Variants in EPHA5 observed in about 807,000 individuals in gnomAD.
EPHA5 encodes the protein EPH receptor A5.
EPHA5 carries 60 observed loss-of-function variants against 105.0 expected under a neutral mutation model. That is an observed-to-expected ratio of 0.57 (90% CI 0.46 to 0.71). EPHA5 has a LOEUF of 0.71. EPHA5 is among the 30% of genes least tolerant of loss of function. The pLI is 0.00. For missense variants in EPHA5, 1,218 were observed against 1,274.7 expected (o/e 0.96, Z 0.68); for synonymous variants, 513 against 449.1 (o/e 1.14, Z -1.80).
chr4:65,332,031 CTG>C lies in EPHA5; in HGVS notation c.2885_2886del (p.Thr962ArgfsTer65). Reference protein sequence around the residue: ...WLEAIKMGRYTEIFMENGYSS... With the variant: ...WLEAIKMGRYXEIFMENGYSS... ...CTGTATCCATTTTCCATGAAAATCT[CTG>C]TATACCGGCCCATCTTGATTGCCTC... On this transcript the variant is annotated frameshift_variant, in exon 16 of 17. Coordinates refer to ENST00000613740, the MANE Select transcript of EPHA5 (RefSeq NM_001281766.3). LOFTEE classifies it high-confidence loss of function. 6.2e-7 allele frequency: 1 copy of C among 1,611,946 alleles called. No homozygotes were observed. The highest frequency in any genetic ancestry group is 8.5e-7 in the Non-Finnish European group (1 of 1,178,672).
intron 3 of EPHA5, among the ~76,000 whole-genome samples, chr4:65,509,552 G>A (rs1733395847): frequency 6.6e-6 from 1 of 152,148 alleles, no homozygotes; most frequent in Non-Finnish European, 1.5e-5. Context: ...TTTGTAAGAT[G>A]AGAACTTAAA....
rs1560567523 is a variant in EPHA5 at position 65,465,531 on chromosome 4, A to AAAG, written c.1402+24845_1402+24846insCTT. On this transcript the variant is annotated intron_variant, in intron 5 of 16. Transcript: ENST00000613740. Reference sequence around the variant, plus strand: ...AGAAAGAAAGAAAGAAAGAAAGAAAAGAAAGGAAAGGAAGGAAAGGAAGGA... The same window carrying AAAG: ...AGAAAGAAAGAAAGAAAGAAAGAAAAAAGGAAAGGAAAGGAAGGAAAGGAAGGA... 1.4e-4 allele frequency among the ~76,000 whole-genome samples: 11 copies of AAAG among 78,310 alleles called. No homozygotes were observed. In the South Asian group the frequency reaches 2.5e-3, roughly 17 times the overall value. The allele number at this position is 78,310 out of a possible 152,430, so 51.4% of individuals were successfully genotyped here. A position where few individuals can be genotyped will look rare whatever the true frequency, so the allele number is the denominator to read the frequency against.
chr4:65,585,626 AAAAACAAAACAAAAT>A (rs1742048265), intron 3 of EPHA5, among the ~76,000 whole-genome samples: 2 of 151,880 alleles, frequency 1.3e-5, no homozygotes, highest in Admixed American at 6.6e-5. Context: ...CTTATTTGGG[AAAAACAAAACAAAAT>A]AAAAGAAAAC....
intron 3 of EPHA5, among the ~76,000 whole-genome samples, chr4:65,532,817 T>C (rs1294745299): frequency 6.6e-6 from 1 of 152,106 alleles, no homozygotes; most frequent in Non-Finnish European, 1.5e-5. Flanking sequence ...TTTCCAGCTA[T>C]AGGCATAGTT....
chr4:65,558,953 A>G (rs920377862), intron 3 of EPHA5, among the ~76,000 whole-genome samples: 6 of 152,140 alleles, frequency 3.9e-5, no homozygotes, highest in African/African-American at 1.4e-4. Flanking sequence ...AATAGTGAGC[A>G]TAGTACCCAA....
At chr4:65,475,772 C>T (rs1461024155) in intron 5 of EPHA5, among the ~76,000 whole-genome samples, 1 of 152,068 alleles carries the variant, frequency 6.6e-6, no homozygotes, top group Non-Finnish European at 1.5e-5. Context: ...TTGTTGACCA[C>T]GTTTACATTG....
intron 13 of EPHA5, among the ~76,000 whole-genome samples, chr4:65,350,739 G>C (rs754126850): frequency 2.8e-4 from 43 of 152,114 alleles, no homozygotes; most frequent in Non-Finnish European, 5.3e-4. Flanking sequence ...TACTTTCATA[G>C]AAAAGAGTTT....
chr4:65,622,788 A>G (rs1001536943), intron 2 of EPHA5, among the ~76,000 whole-genome samples: 2 of 151,252 alleles, frequency 1.3e-5, no homozygotes, highest in African/African-American at 2.4e-5. Context: ...TTACCTGTGG[A>G]AAAAAAAAGA....
At chr4:65,326,371 T>C (rs367813146) in intron 16 of EPHA5, among the ~76,000 whole-genome samples, 2 of 151,296 alleles carry the variant, frequency 1.3e-5, no homozygotes, top group East Asian at 3.9e-4. Context: ...CTTCAAATTA[T>C]ATGCAGTAAT....
At chr4:65,460,026 C>T (rs886320986) in intron 5 of EPHA5, among the ~76,000 whole-genome samples, 2 of 151,620 alleles carry the variant, frequency 1.3e-5, no homozygotes, top group South Asian at 2.1e-4. Flanking sequence ...ATTAAATTAG[C>T]TTTGAATCTC....
At chr4:65,364,157 G>A (rs559301227) in intron 11 of EPHA5, among the ~76,000 whole-genome samples, 6 of 151,672 alleles carry the variant, frequency 4.0e-5, no homozygotes, top group African/African-American at 1.2e-4. Context: ...AGAAACCCAC[G>A]TATGTAGTTT....
chr4:65,498,019 A>G (rs1238165086), intron 3 of EPHA5, among the ~76,000 whole-genome samples: 1 of 151,938 alleles, frequency 6.6e-6, no homozygotes, highest in Non-Finnish European at 1.5e-5. Flanking sequence ...TACCCAATTT[A>G]ATCTAGATTA....
At chr4:65,408,245 AG>A (rs1722561469) in intron 7 of EPHA5, among the ~76,000 whole-genome samples, 1 of 152,112 alleles carries the variant, frequency 6.6e-6, no homozygotes, top group Non-Finnish European at 1.5e-5. Flanking sequence ...AAAAATATTT[AG>A]GTCAAGTAGG....
chr4:65,560,037 G>T (rs1190707004), intron 3 of EPHA5, among the ~76,000 whole-genome samples: 3 of 152,072 alleles, frequency 2.0e-5, no homozygotes, highest in Non-Finnish European at 4.4e-5. Context: ...ACAAAAAAAG[G>T]TTGGCAGTTT....
At chr4:65,511,965 GA>G (rs942276999) in intron 3 of EPHA5, among the ~76,000 whole-genome samples, 9 of 151,950 alleles carry the variant, frequency 5.9e-5, no homozygotes, top group African/African-American at 2.2e-4. Context: ...GACAATAATT[GA>G]AAAAAAATTC....
At chr4:65,365,270 C>T (rs1717758416) in intron 10 of EPHA5, 68 bp from the exon 11 acceptor site, 1 of 1,248,308 alleles carries the variant, frequency 8.0e-7, no homozygotes, top group Admixed American at 1.9e-5. Flanking sequence ...ACTTGTATGC[C>T]CTCTTAGACT....
intron 7 of EPHA5, among the ~76,000 whole-genome samples, chr4:65,409,225 G>T (rs1456420799): frequency 7.8e-6 from 1 of 127,536 alleles, no homozygotes. Context: ...AGCACTGGGA[G>T]ATATACCTAA....
In EPHA5 at chr4:65,420,570, A is replaced by G; in HGVS notation, c.1403-5T>C. 6.2e-7 allele frequency: 1 copy of G among 1,611,818 alleles called. No individual in the cohort carries two copies. The stretch of plus-strand genomic sequence containing the variant: ...CATTGGTGACTGGAGATGGAGCTGC[A>G]AAATAGTTTAAATAAGGAGCAGTAT... On this transcript the variant is annotated splice_polypyrimidine_tract_variant and splice_region_variant and intron_variant, in intron 5 of 16. Coordinates refer to ENST00000613740, the MANE Select transcript of EPHA5 (RefSeq NM_001281766.3).
chr4:65,458,597 C>T (rs1302017421), intron 5 of EPHA5, among the ~76,000 whole-genome samples: 1 of 151,992 alleles, frequency 6.6e-6, no homozygotes, highest in African/African-American at 2.4e-5. Context: ...CCTAATAAAC[C>T]TACTTTTAAC....
Sources: allele counts gnomAD v4.1 joint callset (sites outside exome capture counted in the v4.1 genomes callset), GRCh38; gene constraint gnomAD v4.1.1; transcripts MANE v1.5; gene names NCBI Gene and HGNC (gene_info 2026-07-23, HGNC 2026-07-21).